RIMS1: variants seen among roughly 807,000 people sequenced by gnomAD.
RIMS1 encodes regulating synaptic membrane exocytosis 1.
Under a neutral mutation model 214.1 loss-of-function variants are expected in RIMS1, and 83 were observed. That is an observed-to-expected ratio of 0.39 (90% confidence interval 0.32 to 0.47). RIMS1 has a LOEUF of 0.47. Ranked by LOEUF, RIMS1 falls within the 20% of genes least tolerant of loss-of-function variation. The probability of loss-of-function intolerance (pLI) is 0.99; values close to 1 mark genes in which losing one functional copy is unlikely to be tolerated. For synonymous variants in RIMS1, 793 were observed against 786.8 expected, an observed-to-expected ratio of 1.01 and a Z score of -0.13; for missense variants, 2,050 against 2,161.8, an observed-to-expected ratio of 0.95 and a Z score of 1.03.
At chr6:71,952,342 C>T (rs1789875818) in intron 1 of RIMS1, among the ~76,000 whole-genome samples, 1 of 152,128 alleles carries the variant, frequency 6.6e-6, no homozygotes, top group African/African-American at 2.4e-5. Flanking sequence ...TTCAGTTGTT[C>T]AGCAAATATA....
intron 6 of RIMS1, among the ~76,000 whole-genome samples, chr6:72,198,698 TA>T (rs1157418866): frequency 2.0e-5 from 3 of 151,940 alleles, no homozygotes; most frequent in African/African-American, 7.2e-5. Context: ...ATACGTGAGA[TA>T]ATGGATATCT....
intron 1 of RIMS1, among the ~76,000 whole-genome samples, chr6:71,901,330 A>G (rs1773540751): frequency 6.6e-6 from 1 of 152,154 alleles, no homozygotes; most frequent in Non-Finnish European, 1.5e-5. Flanking sequence ...TAGCAACCTT[A>G]TTGTTAATGA....
At chr6:72,221,186 C>A (rs2058283507) in intron 6 of RIMS1, among the ~76,000 whole-genome samples, 1 of 151,892 alleles carries the variant, frequency 6.6e-6, no homozygotes, top group Non-Finnish European at 1.5e-5. Flanking sequence ...GCAATGGATA[C>A]AGTTTGCATA....
chr6:72,147,061 C>T (rs1438644869), intron 4 of RIMS1, among the ~76,000 whole-genome samples: 2 of 152,168 alleles, frequency 1.3e-5, no homozygotes, highest in Admixed American at 6.5e-5. Flanking sequence ...ATTTAGCAAA[C>T]CTAATATCTG....
chr6:71,948,330 A>T lies in RIMS1; in HGVS notation c.165-20653A>T, dbSNP rs755525359. On this transcript the variant is annotated intron_variant, in intron 1 of 33. Transcript: ENST00000521978. ...TCTCCAATCTCTTAAATTAGGCATG[A>T]TCATGCAACTTACTCTGACCAACAA... Among the ~76,000 whole-genome samples the T allele has an allele frequency of 2.9e-4, 44 of 152,204 alleles. 1 individual carries two copies. The highest frequency in any genetic ancestry group is 8.3e-4 in the South Asian group (4 of 4,832).
chr6:72,217,486 T>C (rs2056679834), intron 6 of RIMS1, among the ~76,000 whole-genome samples: 1 of 152,188 alleles, frequency 6.6e-6, no homozygotes, highest in Non-Finnish European at 1.5e-5. Context: ...CATTTTAGTA[T>C]TACATTTAAG....
chr6:72,361,193 C>T (rs753959439), intron 29 of RIMS1, among the ~76,000 whole-genome samples: 3 of 146,916 alleles, frequency 2.0e-5, no homozygotes, highest in Non-Finnish European at 3.0e-5. Context: ...CTGCAACCAC[C>T]GTCTCCGGTT....
chr6:72,306,124 A>G (rs1452513326), intron 26 of RIMS1, among the ~76,000 whole-genome samples: 1 of 152,162 alleles, frequency 6.6e-6, no homozygotes, highest in African/African-American at 2.4e-5. Context: ...TGTAAGAGAT[A>G]AAATCAGCAG....
chr6:72,164,266 C>T (rs892988639), intron 4 of RIMS1, among the ~76,000 whole-genome samples: 1 of 151,988 alleles, frequency 6.6e-6, no homozygotes, highest in African/African-American at 2.4e-5. Flanking sequence ...TGGGAGTGAC[C>T]CGATTTTCCA....
intron 2 of RIMS1, among the ~76,000 whole-genome samples, chr6:71,970,507 A>G (rs1468333016): frequency 1.3e-5 from 2 of 152,230 alleles, no homozygotes; most frequent in Non-Finnish European, 2.9e-5. Flanking sequence ...AGTTCATTTT[A>G]AATTACACAT....
intron 16 of RIMS1, among the ~76,000 whole-genome samples, chr6:72,254,475 T>C (rs964025537): frequency 6.6e-6 from 1 of 152,224 alleles, no homozygotes; most frequent in Non-Finnish European, 1.5e-5. Context: ...AAATAGGAAT[T>C]AGATTATACC....
intron 6 of RIMS1, among the ~76,000 whole-genome samples, chr6:72,195,496 AAT>A (rs1167649452): frequency 5.3e-5 from 8 of 152,124 alleles, no homozygotes. Flanking sequence ...TTTACCCCTA[AAT>A]ATAGAGATGG....
chr6:72,145,014 A>T (rs1468928509), intron 4 of RIMS1, among the ~76,000 whole-genome samples: 4 of 151,920 alleles, frequency 2.6e-5, no homozygotes, highest in Non-Finnish European at 4.4e-5. Context: ...CCTCCTGAGT[A>T]GCATAATTTT....
chr6:72,079,011 T>C (rs1832615327), intron 2 of RIMS1, among the ~76,000 whole-genome samples: 1 of 152,140 alleles, frequency 6.6e-6, no homozygotes, highest in Non-Finnish European at 1.5e-5. Flanking sequence ...TGGAATCTAT[T>C]ACAAAACAAA....
chr6:72,035,382 T>C (rs547487617), intron 2 of RIMS1, among the ~76,000 whole-genome samples: 20 of 152,288 alleles, frequency 1.3e-4, no homozygotes, highest in African/African-American at 4.8e-4. Flanking sequence ...AGATTTTTAG[T>C]AATTTTATGG....
intron 29 of RIMS1, among the ~76,000 whole-genome samples, chr6:72,358,138 C>G (rs1447074057): frequency 6.8e-6 from 1 of 146,006 alleles, no homozygotes; most frequent in African/African-American, 2.5e-5. Flanking sequence ...TTCCCTTTTG[C>G]TGCTCATAGA....
At chr6:72,076,210 G>GA (rs1373171541) in intron 2 of RIMS1, among the ~76,000 whole-genome samples, 1 of 152,086 alleles carries the variant, frequency 6.6e-6, no homozygotes, top group East Asian at 1.9e-4. Context: ...CAATACTAAG[G>GA]AAAAAACAAT....
At chr6:72,108,048 T>C (rs1462592743) in intron 4 of RIMS1, among the ~76,000 whole-genome samples, 1 of 152,180 alleles carries the variant, frequency 6.6e-6, no homozygotes, top group Non-Finnish European at 1.5e-5. Context: ...AGACAGGGTC[T>C]CATTCTGTTG....
At chr6:72,378,970 G>A (rs1016728204) in intron 29 of RIMS1, among the ~76,000 whole-genome samples, 1 of 152,146 alleles carries the variant, frequency 6.6e-6, no homozygotes, top group African/African-American at 2.4e-5. Context: ...GAGACTTTGT[G>A]GGGAAGAAAA....
Sources: allele counts gnomAD v4.1 joint callset (sites outside exome capture counted in the v4.1 genomes callset), GRCh38; gene constraint gnomAD v4.1.1; transcripts MANE v1.5; gene names NCBI Gene and HGNC (gene_info 2026-07-23, HGNC 2026-07-21).